The following THSD4 variants were observed in gnomAD, a reference collection of about 807,000 sequenced individuals.
THSD4 encodes thrombospondin type 1 domain containing 4, also known as thrombospondin type-1 domain-containing protein 4.
In THSD4, 69 loss-of-function variants were observed where a neutral mutation model predicts 119.0. That is an observed-to-expected ratio of 0.58 (90% CI 0.48 to 0.71). The LOEUF is 0.71. Among genes scored for constraint, THSD4 ranks in the 30% least tolerant of loss-of-function variants. The pLI is 0.00. For missense variants in THSD4, 1,393 were observed against 1,391.1 expected (o/e 1.00, Z -0.02); for synonymous variants, 524 against 540.4 (o/e 0.97, Z 0.42).
At chr15:71,373,560 G>T (rs2046089561) in intron 6 of THSD4, among the ~76,000 whole-genome samples, 1 of 152,198 alleles carries the variant, frequency 6.6e-6, no homozygotes, top group South Asian at 2.1e-4. Context: ...CTATATTTTT[G>T]GGATCTTTTC....
rs1596300114 is a variant in THSD4 at position 71,260,054 on chromosome 15, T to C, written c.1015+3339T>C. On this transcript the variant is annotated intron_variant, in intron 6 of 17. Transcript: ENST00000261862. ...CTTGCCAGACCTTTTCTGCGTGGTC[T>C]GAGGTGGCCATCAGCCAGCTGTTGT... 2.0e-5 allele frequency among the ~76,000 whole-genome samples: 3 copies of C among 152,198 alleles called. No homozygotes were observed. The South Asian group carries it at 6.2e-4, about 32-fold the overall frequency.
intron 8 of THSD4, among the ~76,000 whole-genome samples, chr15:71,722,335 G>C (rs1166460554): frequency 2.6e-5 from 4 of 152,200 alleles, no homozygotes; most frequent in Non-Finnish European, 1.5e-5. Flanking sequence ...GCTATTGTAT[G>C]ATTCAAGATT....
chr15:71,377,492 A>G (rs2046154137), intron 6 of THSD4, among the ~76,000 whole-genome samples: 1 of 152,122 alleles, frequency 6.6e-6, no homozygotes, highest in Non-Finnish European at 1.5e-5. Flanking sequence ...GAATCAGGGA[A>G]GGAACAACCC....
chr15:71,326,354 A>G lies in THSD4; in HGVS notation c.1015+69639A>G, dbSNP rs377404626. Among the ~76,000 whole-genome samples the G allele has an allele frequency of 1.3e-3, 197 of 152,020 alleles. 12 individuals carry two copies. In the South Asian group the frequency reaches 0.04, roughly 31 times the overall value. The stretch of plus-strand genomic sequence containing the variant: ...GAACACTCAGAAAATGGTGGTGGTG[A>G]TGATGATAGTGGTGGTGATGATAAC... On this transcript the variant is annotated intron_variant, in intron 6 of 17. Coordinates refer to ENST00000261862, the MANE Select transcript of THSD4 (RefSeq NM_024817.3).
chr15:71,111,473 G>GATTCCCTCCCCTGCTT, upstream of THSD4: 1 of 1,393,542 alleles, frequency 7.2e-7, no homozygotes, highest in Non-Finnish European at 9.9e-7. Flanking sequence ...AAGCAGGGGA[G>GATTCCCTCCCCTGCTT]GGAATCTACC....
intron 15 of THSD4, among the ~76,000 whole-genome samples, chr15:71,760,200 A>T (rs2053607113): frequency 1.3e-5 from 2 of 152,308 alleles, no homozygotes; most frequent in South Asian, 4.2e-4. Context: ...GTGTGACCCA[A>T]GCTGAGCCAC....
At chr15:71,567,894 C>T (rs2049273546) in intron 7 of THSD4, among the ~76,000 whole-genome samples, 1 of 151,920 alleles carries the variant, frequency 6.6e-6, no homozygotes, top group Admixed American at 6.6e-5. Context: ...CAATTTACAC[C>T]CCACCTCTAG....
chr15:71,750,117 G>T (rs1414593260), intron 14 of THSD4, among the ~76,000 whole-genome samples: 2 of 152,170 alleles, frequency 1.3e-5, no homozygotes, highest in Admixed American at 6.5e-5. Flanking sequence ...AAAAAAGACA[G>T]AGGAGCCCAG....
chr15:71,747,069 C>A, intron 13 of THSD4, 27 bp downstream of exon 13: 1 of 1,571,786 alleles, frequency 6.4e-7, no homozygotes, highest in Non-Finnish European at 8.6e-7. Context: ...GCCCGCTCTG[C>A]AGCTCCCTCT....
chr15:71,486,666 A>G (rs2047827486), intron 7 of THSD4, among the ~76,000 whole-genome samples: 1 of 145,340 alleles, frequency 6.9e-6, no homozygotes, highest in African/African-American at 2.6e-5. Flanking sequence ...ACCTCTATAT[A>G]CATTTTAGAA....
chr15:71,408,891 A>C (rs1263323679), intron 6 of THSD4, among the ~76,000 whole-genome samples: 2 of 152,168 alleles, frequency 1.3e-5, no homozygotes, highest in African/African-American at 2.4e-5. Flanking sequence ...TAGGAAGTCT[A>C]TGCAGGGTCT....
intron 6 of THSD4, among the ~76,000 whole-genome samples, chr15:71,392,051 A>G (rs1042250227): frequency 6.6e-6 from 1 of 152,180 alleles, no homozygotes; most frequent in Non-Finnish European, 1.5e-5. Context: ...GATAATTTTC[A>G]GAGAAAATTA....
intron 2 of THSD4, among the ~76,000 whole-genome samples, chr15:71,149,900 T>C (rs916700589): frequency 1.3e-5 from 2 of 152,148 alleles, no homozygotes; most frequent in Non-Finnish European, 2.9e-5. Context: ...ATGTAAATCT[T>C]GTACCAAATT....
At chr15:71,455,408 T>C (rs2047325310) in intron 7 of THSD4, among the ~76,000 whole-genome samples, 4 of 151,888 alleles carry the variant, frequency 2.6e-5, no homozygotes, top group Admixed American at 2.6e-4. Context: ...GAGGCTTTGG[T>C]AGGGTGTGTG....
Position 71,540,456 on chromosome 15 carries a change from C to T in THSD4, c.1153-120074C>T, listed in dbSNP as rs189505833. On this transcript the variant is annotated intron_variant, in intron 7 of 17. Coordinates refer to ENST00000261862, the MANE Select transcript of THSD4 (RefSeq NM_024817.3). Reference sequence around the variant, plus strand: ...TGGCCGCCTTTTTTTTTTTTTTAAACGAGTCTCTGTCACCCAGGCTGGAGT... The same window carrying T: ...TGGCCGCCTTTTTTTTTTTTTTAAATGAGTCTCTGTCACCCAGGCTGGAGT... Among the ~76,000 whole-genome samples the T allele has an allele frequency of 7.4e-3, 659 of 88,706 alleles. 23 individuals are homozygous for T. In the South Asian group the frequency reaches 0.075, roughly 10 times the overall value. The allele number at this position is 88,706 out of a possible 152,430, so 58.2% of individuals were successfully genotyped here. A position where few individuals can be genotyped will look rare whatever the true frequency, so the allele number is the denominator to read the frequency against.
intron 7 of THSD4, among the ~76,000 whole-genome samples, chr15:71,447,166 G>A (rs1408648407): frequency 1.6e-5 from 2 of 125,032 alleles, no homozygotes; most frequent in Non-Finnish European, 3.1e-5. Context: ...CTGTCGCCAG[G>A]CTGGAGTGCA....
At chr15:71,649,929 C>G (rs1393205330) in intron 7 of THSD4, among the ~76,000 whole-genome samples, 1 of 152,148 alleles carries the variant, frequency 6.6e-6, no homozygotes, top group African/African-American at 2.4e-5. Context: ...ATAAGGAAGT[C>G]AGAAAAGGAC....
chr15:71,771,375 G>A (rs886119874), intron 17 of THSD4, among the ~76,000 whole-genome samples, 167 bp downstream of exon 17: 10 of 152,344 alleles, frequency 6.6e-5, no homozygotes, highest in African/African-American at 2.4e-4. Flanking sequence ...CATGGTTTAA[G>A]ATGATCATTC....
At chr15:71,738,547 GGATTC>G (rs1426311776) in intron 11 of THSD4, among the ~76,000 whole-genome samples, 3 of 152,180 alleles carry the variant, frequency 2.0e-5, no homozygotes, top group Non-Finnish European at 4.4e-5. Flanking sequence ...CAAAGGATAG[GGATTC>G]GAGTTAATAA....
Sources: allele counts gnomAD v4.1 joint callset (sites outside exome capture counted in the v4.1 genomes callset), GRCh38; gene constraint gnomAD v4.1.1; transcripts MANE v1.5; gene names NCBI Gene and HGNC (gene_info 2026-07-23, HGNC 2026-07-21).